Variants in HPRT1 observed in about 807,000 individuals in gnomAD.
The protein encoded by HPRT1 is hypoxanthine phosphoribosyltransferase 1.
Under a neutral mutation model 19.0 loss-of-function variants are expected in HPRT1, and 4 were observed. The observed-to-expected ratio is 0.21, with a 90% CI of 0.10 to 0.48. HPRT1 has a LOEUF of 0.48. Among genes scored for constraint, HPRT1 ranks in the 20% least tolerant of loss-of-function variants. The probability of loss-of-function intolerance (pLI) is 0.98; values close to 1 mark genes in which losing one functional copy is unlikely to be tolerated. For missense variants in HPRT1, 65 were observed against 164.0 expected (o/e 0.40, Z 3.30); for synonymous variants, 53 against 54.9 (o/e 0.97, Z 0.15).
intron 1 of HPRT1, among the ~76,000 whole-genome samples, chrX:134,469,900 C>A (rs928906962): frequency 9.8e-5 from 11 of 112,345 alleles, no homozygotes; most frequent in African/African-American, 3.2e-4. Context: ...TTTCCTAGAA[C>A]TTGAACTAAA....
chrX:134,465,624 G>T (rs948259515), intron 1 of HPRT1, among the ~76,000 whole-genome samples: 1 of 112,618 alleles, frequency 8.9e-6, no homozygotes, highest in East Asian at 2.8e-4. Context: ...AAAAGTACCT[G>T]TAGCGATTTT....
chrX:134,461,835 C>G (rs2077584992), intron 1 of HPRT1, among the ~76,000 whole-genome samples: 1 of 112,102 alleles, frequency 8.9e-6, no homozygotes. Context: ...ACCTAGCTCT[C>G]TCTCTCTCGA....
chrX:134,494,917 T>C (rs1380650784), intron 6 of HPRT1, among the ~76,000 whole-genome samples: 1 of 111,815 alleles, frequency 8.9e-6, no homozygotes, highest in African/African-American at 3.3e-5. Context: ...CACCATAGTT[T>C]TGTAGCACCG....
chrX:134,481,969 C>G (rs1478404014), intron 3 of HPRT1, among the ~76,000 whole-genome samples: 1 of 112,288 alleles, frequency 8.9e-6, no homozygotes, highest in Admixed American at 9.5e-5. Flanking sequence ...AAATGGAAAC[C>G]ATGAAGATAG....
At chrX:134,478,071 A>G (rs1375358582) in intron 3 of HPRT1, among the ~76,000 whole-genome samples, 5 of 112,055 alleles carry the variant, frequency 4.5e-5, no homozygotes, top group Non-Finnish European at 9.4e-5. Flanking sequence ...AATTTGGTAA[A>G]ACTGTAAAAT....
At chrX:134,467,556 G>A (rs1465375061) in intron 1 of HPRT1, among the ~76,000 whole-genome samples, 1 of 111,672 alleles carries the variant, frequency 9.0e-6, no homozygotes, top group African/African-American at 3.3e-5. Context: ...ATTAATATCA[G>A]ATGGGACAAG....
At chrX:134,468,031 C>T (rs749926023) in intron 1 of HPRT1, among the ~76,000 whole-genome samples, 22 of 107,958 alleles carry the variant, frequency 2.0e-4, no homozygotes, top group Non-Finnish European at 3.5e-4. Context: ...AGGCTGGTCT[C>T]GAACTCTTGA....
chrX:134,492,467 A>G, intron 5 of HPRT1: 1 of 328,778 alleles, frequency 3.0e-6, no homozygotes, highest in Non-Finnish European at 5.9e-6. Context: ...GGGCTCATCA[A>G]GCTGAATCAA....
chrX:134,486,626 G>T, intron 4 of HPRT1, 96 bp downstream of exon 4: 1 of 553,994 alleles, frequency 1.8e-6, no homozygotes, highest in Non-Finnish European at 3.2e-6. Context: ...AATTTACATA[G>T]TATAACTAAA....
intron 1 of HPRT1, among the ~76,000 whole-genome samples, chrX:134,468,904 TG>T (rs1197123406): frequency 8.9e-6 from 1 of 111,948 alleles, no homozygotes; most frequent in African/African-American, 3.3e-5. Context: ...TGATACATTT[TG>T]TTTTTATTTT....
At chrX:134,471,954 GTTTT>G (rs17878519) in intron 1 of HPRT1, among the ~76,000 whole-genome samples, 2 of 109,612 alleles carry the variant, frequency 1.8e-5, no homozygotes, top group Non-Finnish European at 3.8e-5. Flanking sequence ...TTTTCTTGTG[GTTTT>G]TTTTGTTTGT....
chrX:134,475,961 T>G (rs1399236663), intron 3 of HPRT1, among the ~76,000 whole-genome samples: 1 of 112,263 alleles, frequency 8.9e-6, no homozygotes, highest in Non-Finnish European at 1.9e-5. Flanking sequence ...GTGAATTTCA[T>G]TCATAATTTG....
chrX:134,482,247 G>A (rs1216261611), intron 3 of HPRT1, among the ~76,000 whole-genome samples: 3 of 110,399 alleles, frequency 2.7e-5, no homozygotes, highest in Non-Finnish European at 3.8e-5. Flanking sequence ...TAGAGACGGG[G>A]TTTCACCCTG....
At chrX:134,494,313 TTTTCCTTTTATAA>T (rs1370181507) in intron 6 of HPRT1, among the ~76,000 whole-genome samples, 1 of 112,592 alleles carries the variant, frequency 8.9e-6, no homozygotes, top group African/African-American at 3.2e-5. Context: ...TATGTTTTTC[TTTTCCTTTTATAA>T]TTTCATTAAA....
At chrX:134,479,129 T>G (rs2077632718) in intron 3 of HPRT1, among the ~76,000 whole-genome samples, 1 of 111,946 alleles carries the variant, frequency 8.9e-6, no homozygotes, top group Non-Finnish European at 1.9e-5. Flanking sequence ...GGAGGCTGGC[T>G]TGAACCCAGG....
At chrX:134,470,896 C>T (rs752957896) in intron 1 of HPRT1, among the ~76,000 whole-genome samples, 162 of 102,403 alleles carry the variant, frequency 1.6e-3, no homozygotes, top group African/African-American at 5.4e-3. Flanking sequence ...AGCGAGACTT[C>T]GTCTCTAAAA....
At chrX:134,469,214 C>CAT (rs17882655) in intron 1 of HPRT1, among the ~76,000 whole-genome samples, 1,562 of 111,098 alleles carry the variant, frequency 0.014, 32 homozygotes, top group African/African-American at 0.049. Context: ...TATATGTGTG[C>CAT]ATATATATAG....
intron 6 of HPRT1, among the ~76,000 whole-genome samples, chrX:134,494,926 C>T (rs985056106): frequency 1.8e-5 from 2 of 111,557 alleles, no homozygotes; most frequent in African/African-American, 6.5e-5. Flanking sequence ...TTTGTAGCAC[C>T]GATCTTGCAT....
chrX:134,481,561 A>T (rs1160225477), intron 3 of HPRT1, among the ~76,000 whole-genome samples: 1 of 107,076 alleles, frequency 9.3e-6, no homozygotes, highest in African/African-American at 3.4e-5. Flanking sequence ...CTATCTATCT[A>T]AAGCAAATTC....
Sources: allele counts gnomAD v4.1 joint callset (sites outside exome capture counted in the v4.1 genomes callset), GRCh38; gene constraint gnomAD v4.1.1; transcripts MANE v1.5; gene names NCBI Gene and HGNC (gene_info 2026-07-23, HGNC 2026-07-21).